IQCJ: variants seen among roughly 807,000 people sequenced by gnomAD.
IQCJ encodes IQ domain-containing protein J.
IQCJ carries 9 observed loss-of-function variants against 11.0 expected under a neutral mutation model. The ratio of observed to expected loss-of-function variants is 0.82; its 90% CI spans 0.49 to 1.43. The LOEUF (loss-of-function observed/expected upper bound fraction) is 1.43, where lower values mean the gene tolerates loss of function less well. Among genes scored for constraint, IQCJ ranks in the 40% most tolerant of loss-of-function variants. The pLI, the probability that IQCJ is intolerant of heterozygous loss-of-function variation, is 0.00. For missense variants in IQCJ, 146 were observed against 133.2 expected (o/e 1.10, Z -0.47); for synonymous variants, 55 against 51.3 (o/e 1.07, Z -0.31).
rs1722745886 is a variant in IQCJ, at chr3:159,175,493, CAG to C, written c.10-70348_10-70347del. On this transcript the variant is annotated intron_variant, in intron 1 of 3. Coordinates refer to ENST00000397832, the MANE Select transcript of IQCJ (RefSeq NM_001042706.3). The stretch of plus-strand genomic sequence containing the variant: ...CTCAAACAAAACAAAACAAAACAAA[CAG>C]AACATTTTCTATCACTCCAGTAAGT... Among the ~76,000 whole-genome samples the C allele has an allele frequency of 3.3e-5, 5 of 151,984 alleles. No individual in the cohort carries two copies. In the South Asian group the frequency reaches 1.0e-3, roughly 32 times the overall value.
intron 1 of IQCJ, among the ~76,000 whole-genome samples, chr3:159,161,772 A>G (rs569937503): frequency 1.2e-4 from 18 of 152,314 alleles, no homozygotes; most frequent in South Asian, 6.2e-4. Context: ...TCCCAGCACC[A>G]TTTATTAAAT....
intron 2 of IQCJ, 39 bp downstream of exon 2, chr3:159,245,946 G>T: frequency 6.9e-7 from 1 of 1,439,046 alleles, no homozygotes; most frequent in South Asian, 1.3e-5. Context: ...CTGCAAGGTT[G>T]GAAAGCTTGA....
intron 3 of IQCJ, among the ~76,000 whole-genome samples, chr3:159,261,561 C>T (rs1728209506): frequency 6.6e-6 from 1 of 152,190 alleles, no homozygotes; most frequent in East Asian, 1.9e-4. Context: ...GGGGCTTCCC[C>T]CTTTACTCAG....
intron 1 of IQCJ, among the ~76,000 whole-genome samples, chr3:159,121,596 T>G (rs1254262766): frequency 6.6e-6 from 1 of 152,234 alleles, no homozygotes; most frequent in Non-Finnish European, 1.5e-5. Context: ...TGAGCTCCAG[T>G]TGGCTGCTGG....
At chr3:159,259,935 G>A (rs1053866017) in intron 3 of IQCJ, among the ~76,000 whole-genome samples, 1 of 152,170 alleles carries the variant, frequency 6.6e-6, no homozygotes, top group African/African-American at 2.4e-5. Flanking sequence ...TTTCACATAT[G>A]TGGATGACTA....
intron 1 of IQCJ, among the ~76,000 whole-genome samples, chr3:159,083,140 C>T (rs904118946): frequency 2.6e-5 from 4 of 152,056 alleles, no homozygotes; most frequent in Admixed American, 2.6e-4. Context: ...AACTTTTGTT[C>T]TGTGAAAGAC....
At chr3:159,162,424 A>G (rs535208224) in intron 1 of IQCJ, among the ~76,000 whole-genome samples, 12 of 152,190 alleles carry the variant, frequency 7.9e-5, no homozygotes, top group Middle Eastern at 3.4e-3. Flanking sequence ...GCTTAAGGAG[A>G]TTTTGGGCTG....
chr3:159,210,859 T>C (rs9864232), intron 1 of IQCJ, among the ~76,000 whole-genome samples: 3,601 of 152,120 alleles, frequency 0.024, 147 homozygotes, highest in African/African-American at 0.082. Context: ...TTCAGTAGAG[T>C]TGGGATATCT....
chr3:159,137,022 G>C lies in IQCJ; in HGVS notation c.9+67581G>C, dbSNP rs1720329411. Among the ~76,000 whole-genome samples the C allele has an allele frequency of 2.0e-5, 3 of 152,140 alleles. No homozygotes were observed. The South Asian group carries it at 6.2e-4, about 31-fold the overall frequency. On this transcript the variant is annotated intron_variant, in intron 1 of 3. Transcript: ENST00000397832. Reference sequence around the variant, plus strand: ...CTCACGCCTGTAATCCCAGCACTTTGGGAGACTGAAGCAGGTGGATCACCA... The same window carrying C: ...CTCACGCCTGTAATCCCAGCACTTTCGGAGACTGAAGCAGGTGGATCACCA...
In IQCJ at chr3:159,094,422, CTTTTTTTT is replaced by C. The variant is rs71302258; in HGVS notation, c.9+25000_9+25007del. On this transcript the variant is annotated intron_variant, in intron 1 of 3. Transcript: ENST00000397832. ...TCTGCAGTTTTTTGTACAGGATCTG[CTTTTTTTT>C]TTTTTTTTTTTTTTTTTTACTATTG... Among the ~76,000 whole-genome samples the C allele has an allele frequency of 1.7e-3, 123 of 71,730 alleles. 1 individual carries two copies. The South Asian group carries it at 0.019, about 11-fold the overall frequency. 47.1% of individuals were successfully genotyped at this position (71,730 alleles called of 152,430 possible). A position where few individuals can be genotyped will look rare whatever the true frequency, so the allele number is the denominator to read the frequency against.
chr3:159,248,219 A>C (rs945675332), intron 2 of IQCJ, among the ~76,000 whole-genome samples: 1 of 152,194 alleles, frequency 6.6e-6, no homozygotes, highest in African/African-American at 2.4e-5. Context: ...GATACCTTCA[A>C]TGCTGGCTCC....
chr3:159,131,482 C>T (rs1433182383), intron 1 of IQCJ, among the ~76,000 whole-genome samples: 3 of 152,306 alleles, frequency 2.0e-5, no homozygotes, highest in African/African-American at 7.2e-5. Flanking sequence ...CACTTCTTTG[C>T]TCTCTCTGCT....
At chr3:159,197,872 T>G (rs886776655) in intron 1 of IQCJ, among the ~76,000 whole-genome samples, 7 of 152,074 alleles carry the variant, frequency 4.6e-5, no homozygotes, top group Admixed American at 2.6e-4. Flanking sequence ...AATTTTAATA[T>G]GATGTCTTTT....
chr3:159,230,426 T>C (rs1726179486), intron 1 of IQCJ, among the ~76,000 whole-genome samples: 1 of 152,244 alleles, frequency 6.6e-6, no homozygotes, highest in Non-Finnish European at 1.5e-5. Context: ...AAGTTATTGC[T>C]GTATGCACTT....
intron 1 of IQCJ, 74 bp downstream of exon 1, chr3:159,069,515 C>A (rs1715393283): frequency 1.3e-6 from 2 of 1,549,698 alleles, no homozygotes; most frequent in African/African-American, 1.4e-5. Context: ...TTTTAAAAAT[C>A]TGTCTTCTGA....
chr3:159,227,685 C>T (rs573639533), intron 1 of IQCJ, among the ~76,000 whole-genome samples: 3 of 152,314 alleles, frequency 2.0e-5, no homozygotes, highest in Non-Finnish European at 2.9e-5. Context: ...CTGGCGGGAA[C>T]ATTCCTCAAA....
chr3:159,117,399 C>T (rs1303363850), intron 1 of IQCJ, among the ~76,000 whole-genome samples: 1 of 152,194 alleles, frequency 6.6e-6, no homozygotes, highest in Non-Finnish European at 1.5e-5. Context: ...TCTTCCAATT[C>T]CAGGCTCTAG....
intron 1 of IQCJ, among the ~76,000 whole-genome samples, chr3:159,139,457 T>A (rs1720478949): frequency 6.6e-6 from 1 of 152,204 alleles, no homozygotes; most frequent in African/African-American, 2.4e-5. Context: ...TGGTATTATT[T>A]ACACATATAT....
intron 1 of IQCJ, among the ~76,000 whole-genome samples, chr3:159,119,851 C>G (rs1195586185): frequency 6.6e-6 from 1 of 152,126 alleles, no homozygotes; most frequent in African/African-American, 2.4e-5. Context: ...CCTTCATTGA[C>G]CAGAGAAGTA....
Sources: allele counts gnomAD v4.1 joint callset (sites outside exome capture counted in the v4.1 genomes callset), GRCh38; gene constraint gnomAD v4.1.1; transcripts MANE v1.5; gene names NCBI Gene and HGNC (gene_info 2026-07-23, HGNC 2026-07-21).